TUT7: variants seen among roughly 807,000 people sequenced by gnomAD.
TUT7 encodes the protein terminal uridylyl transferase 7, also known as terminal uridylyltransferase 7.
TUT7 carries 33 observed loss-of-function variants against 165.9 expected under a neutral mutation model. The observed-to-expected ratio is 0.20, with a 90% confidence interval of 0.15 to 0.27. The LOEUF (loss-of-function observed/expected upper bound fraction) is 0.27, where lower values mean the gene tolerates loss of function less well. Ranked by LOEUF, TUT7 falls within the 10% of genes least tolerant of loss-of-function variation. The pLI, the probability that TUT7 is intolerant of heterozygous loss-of-function variation, is 1.00. For synonymous variants in TUT7, 552 were observed against 608.1 expected, an observed-to-expected ratio of 0.91 and a Z score of 1.36; for missense variants, 1,338 against 1,762.3, an observed-to-expected ratio of 0.76 and a Z score of 4.31.
chr9:86,304,798 T>A, intron 24 of TUT7, 58 bp downstream of exon 24: 1 of 1,075,810 alleles, frequency 9.3e-7, no homozygotes, highest in Non-Finnish European at 1.4e-6. Flanking sequence ...TGAAGTGATG[T>A]GTACAAATTA....
rs1332922985 is a variant in TUT7, at chr9:86,304,964, G to C, written c.3887-17C>G. ...AATTTGTCACTAAAAAGAAGAGTAA[G>C]AACTCACTTAGGCGGGTTAAAAGGA... On this transcript the variant is annotated splice_polypyrimidine_tract_variant and intron_variant, in intron 23 of 26. Coordinates refer to ENST00000375963, the MANE Select transcript of TUT7 (RefSeq NM_024617.4). 1.3e-6 allele frequency: 2 copies of C among 1,546,058 alleles called. No homozygotes were observed. The highest frequency in any genetic ancestry group is 1.8e-6 in the Non-Finnish European group (2 of 1,123,712).
intron 26 of TUT7, among the ~76,000 whole-genome samples, chr9:86,298,543 T>C (rs1826568943): frequency 6.6e-6 from 1 of 152,220 alleles, no homozygotes; most frequent in African/African-American, 2.4e-5. Context: ...TAAACATCAC[T>C]TGGAATTTAC....
chr9:86,306,873 T>C (rs767474158), intron 22 of TUT7, among the ~76,000 whole-genome samples: 1 of 152,240 alleles, frequency 6.6e-6, no homozygotes, highest in Non-Finnish European at 1.5e-5. Flanking sequence ...TATATGATTA[T>C]GAATGAAGCC....
At position 86,338,210 on chromosome 9, in the gene TUT7, CTTTTTTTTTTT is replaced by C. The variant is rs1156700714; in HGVS notation, c.1335+602_1335+612del. Among the ~76,000 whole-genome samples the C allele has an allele frequency of 3.7e-4, 50 of 135,406 alleles. 1 individual carries two copies. The South Asian group carries it at 0.012, about 31-fold the overall frequency. The allele number at this position is 135,406 out of a possible 152,430, so 88.8% of individuals were successfully genotyped here. A position where few individuals can be genotyped will look rare whatever the true frequency, so the allele number is the denominator to read the frequency against. On this transcript the variant is annotated intron_variant, in intron 9 of 26. Transcript: ENST00000375963. The stretch of plus-strand genomic sequence containing the variant: ...CTCTAAAAGCACATACATGGAATCT[CTTTTTTTTTTT>C]TTTTTTTTGAGACAGAGTCTTGCTC...
intron 17 of TUT7, 57 bp downstream of exon 17, chr9:86,317,162 A>G: frequency 6.7e-7 from 1 of 1,489,402 alleles, no homozygotes; most frequent in Middle Eastern, 1.7e-4. Flanking sequence ...AGGGAAGACT[A>G]TAGAAAACAC....
chr9:86,325,553 T>C (rs775681655), intron 11 of TUT7, 39 bp from the exon 12 acceptor site: 5 of 1,538,142 alleles, frequency 3.3e-6, no homozygotes, highest in Admixed American at 2.0e-5. Context: ...TTATTTCAGA[T>C]GTAAGTACAA....
rs1250867762 is a variant in TUT7, at chr9:86,335,515, T to C, written c.1455+1904A>G. Among the ~76,000 whole-genome samples, 5 of 152,106 alleles carry C rather than the reference T, an allele frequency of 3.3e-5. No homozygotes were observed. The East Asian group carries it at 5.8e-4, about 18-fold the overall frequency. On this transcript the variant is annotated intron_variant, in intron 10 of 26. Coordinates refer to ENST00000375963, the MANE Select transcript of TUT7 (RefSeq NM_024617.4). ...ACTAAAAGATTTGTGAAAAGACAGA[T>C]CAGAGAACACAGGCACAATACACTA...
At chr9:86,293,437 C>T (rs1175854722) in intron 26 of TUT7, among the ~76,000 whole-genome samples, 1 of 151,976 alleles carries the variant, frequency 6.6e-6, no homozygotes, top group Non-Finnish European at 1.5e-5. Context: ...CAGTGAGACC[C>T]TGTCAAGAAT....
chr9:86,317,137 A>C, intron 17 of TUT7, 82 bp downstream of exon 17: 1 of 1,232,850 alleles, frequency 8.1e-7, no homozygotes, highest in Non-Finnish European at 1.2e-6. Context: ...TGGAACAAAT[A>C]CCCCATGGAT....
Position 86,311,147 on chromosome 9 carries a change from A to C in TUT7, c.3275-338T>G, listed in dbSNP as rs1184679184. The stretch of plus-strand genomic sequence containing the variant: ...CAAATACCAAACAGAGGAAACTACT[A>C]TAGAGTCTGAACTATGTGGTTCCCA... On this transcript the variant is annotated intron_variant, in intron 17 of 26. Coordinates refer to ENST00000375963, the MANE Select transcript of TUT7 (RefSeq NM_024617.4). The surrounding 1 kb of genome is among the most constrained non-coding windows in gnomAD (Gnocchi z 4.4). 1.3e-5 allele frequency among the ~76,000 whole-genome samples: 2 copies of C among 152,144 alleles called. No homozygotes were observed. The highest frequency in any genetic ancestry group is 2.9e-5 in the Non-Finnish European group (2 of 68,040).
At chr9:86,337,086 C>G (rs1830852300) in intron 10 of TUT7, 1 of 175,586 alleles carries the variant, frequency 5.7e-6, no homozygotes, top group African/African-American at 2.4e-5. Flanking sequence ...ATTCAAGTAT[C>G]AATTTAGAAA....
chr9:86,295,916 G>GA (rs1321165411), intron 26 of TUT7, among the ~76,000 whole-genome samples: 3 of 151,708 alleles, frequency 2.0e-5, no homozygotes, highest in Admixed American at 6.6e-5. Flanking sequence ...TTAAGGAATA[G>GA]AAAAAAACAT....
chr9:86,315,634 A>G (rs952802806), intron 17 of TUT7, among the ~76,000 whole-genome samples: 8 of 152,370 alleles, frequency 5.3e-5, no homozygotes, highest in African/African-American at 1.7e-4. Flanking sequence ...GTTTCTTTGC[A>G]CGACCTTCAA....
At position 86,353,302 on chromosome 9, in the gene TUT7, TTA is replaced by T. The variant is rs556515468; in HGVS notation, c.-31-74_-31-73del. 3.4e-4 allele frequency: 431 copies of T among 1,273,064 alleles called. 2 individuals are homozygous for T. In the African/African-American group the frequency reaches 5.6e-3, roughly 17 times the overall value. 78.9% of individuals were successfully genotyped at this position (1,273,064 alleles called of 1,614,324 possible). A position where few individuals can be genotyped will look rare whatever the true frequency, so the allele number is the denominator to read the frequency against. ...TCATACAAGTATACAAAATAACAAT[TTA>T]TCGTACAGATGCCCCAAAGCCTGTA... On this transcript the variant is annotated intron_variant, in intron 1 of 26. Transcript: ENST00000375963.
chr9:86,298,433 C>T (rs370569584), intron 26 of TUT7, among the ~76,000 whole-genome samples: 54 of 152,158 alleles, frequency 3.5e-4, no homozygotes, highest in African/African-American at 1.2e-3. Context: ...GTGGCAAATA[C>T]TCTCCAGGAG....
At chr9:86,317,339 T>C in intron 16 of TUT7, 63 bp from the exon 17 acceptor site, 1 of 1,275,668 alleles carries the variant, frequency 7.8e-7, no homozygotes, top group South Asian at 1.2e-5. Context: ...AAACTGGCTA[T>C]AGTTTCCATT....
At chr9:86,328,258 A>G in intron 11 of TUT7, 82 bp downstream of exon 11, 1 of 1,339,182 alleles carries the variant, frequency 7.5e-7, no homozygotes, top group East Asian at 2.6e-5. Flanking sequence ...AAAGATAGTT[A>G]AGGAAAGAAG....
chr9:86,330,299 A>G (rs534198375), intron 10 of TUT7, among the ~76,000 whole-genome samples: 46 of 152,206 alleles, frequency 3.0e-4, no homozygotes, highest in African/African-American at 9.9e-4. Context: ...ACCTCAGGTG[A>G]TCCACCCACC....
intron 17 of TUT7, among the ~76,000 whole-genome samples, chr9:86,313,130 A>T (rs1340313623): frequency 8.8e-5 from 5 of 56,808 alleles, no homozygotes; most frequent in South Asian, 3.9e-4. Context: ...GATCAATAAT[A>T]AATAAATAAA....
Sources: gnomAD v4.1 joint callset for allele counts (sites outside exome capture counted in the v4.1 genomes callset) on GRCh38, gnomAD v4.1.1 for gene constraint, Gnocchi (gnomAD v3.1) non-coding constraint, MANE v1.5 for transcripts, NCBI Gene and HGNC (gene_info 2026-07-23, HGNC 2026-07-21) for gene names.